The following MIR2052HG variants were observed in gnomAD, a reference collection of about 807,000 sequenced individuals.
MIR2052HG encodes the protein MIR2052 host gene.
chr8:74,747,331 A>G (rs1251866328), intron 4 of MIR2052HG, among the ~76,000 whole-genome samples: 1 of 152,194 alleles, frequency 6.6e-6, no homozygotes, highest in African/African-American at 2.4e-5. Context: ...TACCCATTTT[A>G]TAAGCATTTA....
At chr8:74,671,392 G>C (rs1199570384) in intron 2 of MIR2052HG, among the ~76,000 whole-genome samples, 1 of 151,998 alleles carries the variant, frequency 6.6e-6, no homozygotes, top group Admixed American at 6.6e-5. Context: ...ATATTCTAAG[G>C]ATAGCTTCGC....
At chr8:74,757,116 T>C (rs1810012950) in intron 5 of MIR2052HG, 1 of 151,638 alleles carries the variant, frequency 6.6e-6, no homozygotes. Context: ...TTCAGGGCAC[T>C]GGAGGTCATG....
At chr8:74,626,798 C>T (rs1563516804) in intron 2 of MIR2052HG, among the ~76,000 whole-genome samples, 1 of 152,200 alleles carries the variant, frequency 6.6e-6, no homozygotes, top group Non-Finnish European at 1.5e-5. Context: ...ACTCTGCATG[C>T]TCCTCCATTC....
intron 2 of MIR2052HG, among the ~76,000 whole-genome samples, chr8:74,652,214 G>T (rs1406746575): frequency 6.6e-6 from 1 of 152,168 alleles, no homozygotes; most frequent in African/African-American, 2.4e-5. Context: ...CAAAGTATTT[G>T]ATAGTCCTGC....
chr8:74,688,510 G>A lies in MIR2052HG; in HGVS notation n.217-13869G>A, dbSNP rs918237654. Among the ~76,000 whole-genome samples the A allele has an allele frequency of 3.6e-4, 33 of 91,684 alleles. No individual in the cohort carries two copies. The Admixed American group carries it at 3.9e-3, about 11-fold the overall frequency. The allele number at this position is 91,684 out of a possible 152,430, so 60.1% of individuals were successfully genotyped here. On this transcript the variant is annotated intron_variant and non_coding_transcript_variant, in intron 2 of 6. Coordinates refer to ENST00000523442, the Ensembl canonical transcript of MIR2052HG. Reference sequence around the variant, plus strand: ...TTAAAGAACTGAAGAGGGACCAAGAGAATGTGTACTTATTGCAGTGATTTA... The same window carrying A: ...TTAAAGAACTGAAGAGGGACCAAGAAAATGTGTACTTATTGCAGTGATTTA...
chr8:74,600,722 C>T (rs1253759094), intron 1 of MIR2052HG, among the ~76,000 whole-genome samples: 8 of 151,944 alleles, frequency 5.3e-5, no homozygotes, highest in Non-Finnish European at 1.0e-4. Context: ...ATTACAAGTG[C>T]GTGCCACCAT....
chr8:74,682,067 T>C (rs1809131353), intron 2 of MIR2052HG, among the ~76,000 whole-genome samples: 3 of 152,182 alleles, frequency 2.0e-5, no homozygotes, highest in Non-Finnish European at 2.9e-5. Context: ...TGTGAAATGA[T>C]GGATATGTTA....
chr8:74,729,826 A>G (rs908871560), intron 4 of MIR2052HG, among the ~76,000 whole-genome samples: 7 of 152,160 alleles, frequency 4.6e-5, no homozygotes, highest in Admixed American at 1.3e-4. Flanking sequence ...ACAGAATCAT[A>G]GTGTCATTAA....
intron 2 of MIR2052HG, among the ~76,000 whole-genome samples, chr8:74,670,874 TTTC>T (rs894360095): frequency 2.0e-5 from 3 of 152,272 alleles, no homozygotes; most frequent in South Asian, 2.1e-4. Context: ...TCTCTTTTTT[TTTC>T]TTCTTCTCCT....
chr8:74,750,650 G>A (rs2128756648), intron 4 of MIR2052HG, among the ~76,000 whole-genome samples: 1 of 152,278 alleles, frequency 6.6e-6, no homozygotes, highest in Non-Finnish European at 1.5e-5. Context: ...CAAATTTACT[G>A]TAAGAAAAGT....
At chr8:74,719,039 G>C (rs1809547874) in intron 4 of MIR2052HG, among the ~76,000 whole-genome samples, 1 of 151,570 alleles carries the variant, frequency 6.6e-6, no homozygotes. Context: ...GAATTTGTCA[G>C]GGTCTTCCTA....
At chr8:74,603,776 C>G in intron 1 of MIR2052HG, 1 of 846,042 alleles carries the variant, frequency 1.2e-6, no homozygotes, top group East Asian at 2.4e-5. Context: ...TTGACACACT[C>G]AATGATGGAT....
intron 2 of MIR2052HG, among the ~76,000 whole-genome samples, chr8:74,661,946 A>T (rs1808869798): frequency 6.6e-6 from 1 of 152,224 alleles, no homozygotes; most frequent in Non-Finnish European, 1.5e-5. Context: ...TAATTGTAAG[A>T]AAAAAATCGG....
chr8:74,709,165 G>A (rs1202360034), intron 4 of MIR2052HG, among the ~76,000 whole-genome samples: 1 of 152,142 alleles, frequency 6.6e-6, no homozygotes, highest in Non-Finnish European at 1.5e-5. Context: ...CAGACAGCAT[G>A]GCAAGATAGT....
intron 4 of MIR2052HG, among the ~76,000 whole-genome samples, chr8:74,711,791 A>G (rs1469315097): frequency 6.6e-6 from 1 of 152,240 alleles, no homozygotes; most frequent in Non-Finnish European, 1.5e-5. Context: ...CTTCAAATTC[A>G]GAATGCTTTT....
At chr8:74,706,796 G>A (rs1809415335) in intron 4 of MIR2052HG, among the ~76,000 whole-genome samples, 1 of 152,048 alleles carries the variant, frequency 6.6e-6, no homozygotes, top group Non-Finnish European at 1.5e-5. Flanking sequence ...CTTAGTATAT[G>A]GACTGGACAG....
intron 2 of MIR2052HG, among the ~76,000 whole-genome samples, chr8:74,622,573 C>T (rs749329028): frequency 1.3e-5 from 2 of 151,692 alleles, no homozygotes; most frequent in African/African-American, 2.4e-5. Flanking sequence ...CACTGCACTC[C>T]AGCCTAGGCC....
chr8:74,615,461 CT>C (rs2128731894), intron 2 of MIR2052HG, among the ~76,000 whole-genome samples: 1 of 152,298 alleles, frequency 6.6e-6, no homozygotes, highest in South Asian at 2.1e-4. Context: ...AGCCATGTTC[CT>C]TTTAGTCCAG....
chr8:74,638,804 G>A (rs75590493), intron 2 of MIR2052HG, among the ~76,000 whole-genome samples: 12,112 of 152,132 alleles, frequency 0.08, 685 homozygotes, highest in African/African-American at 0.15. Context: ...ACTAAGTGGC[G>A]AACTAAGTGG....
Sources: gnomAD v4.1 joint callset for allele counts (sites outside exome capture counted in the v4.1 genomes callset) on GRCh38, gnomAD v4.1.1 for gene constraint, MANE v1.5 for transcripts, NCBI Gene and HGNC (gene_info 2026-07-23, HGNC 2026-07-21) for gene names.